The following ADGRE1 variants were observed in gnomAD, a reference collection of about 807,000 sequenced individuals.
The protein encoded by ADGRE1 is EGF-like module receptor 1.
Under a neutral mutation model 102.7 loss-of-function variants are expected in ADGRE1, and 82 were observed. The ratio of observed to expected loss-of-function variants is 0.80; its 90% CI spans 0.67 to 0.96. The LOEUF is 0.96. Among genes scored for constraint, ADGRE1 ranks in the 40% least tolerant of loss-of-function variants. ADGRE1 has a pLI of 0.00. For synonymous variants in ADGRE1, 398 were observed against 399.6 expected, an observed-to-expected ratio of 1.00 and a Z score of 0.05; for missense variants, 1,032 against 1,085.3, an observed-to-expected ratio of 0.95 and a Z score of 0.69.
At chr19:6,892,317 C>T (rs971718392) in intron 2 of ADGRE1, among the ~76,000 whole-genome samples, 13 of 152,002 alleles carry the variant, frequency 8.6e-5, no homozygotes, top group African/African-American at 2.9e-4. Flanking sequence ...CACGATAATC[C>T]ATTCCTTCTG....
intron 17 of ADGRE1, among the ~76,000 whole-genome samples, chr19:6,934,235 T>G (rs554670466): frequency 1.3e-5 from 2 of 152,118 alleles, no homozygotes; most frequent in Admixed American, 1.3e-4. Flanking sequence ...GTATCCTGTG[T>G]GATTGGTTAG....
chr19:6,937,223 G>T lies in ADGRE1; in HGVS notation c.2382-20G>T, dbSNP rs1975449489. ...ATAGCCACCTCCCAGAGCCTTACATGCTGTACATCTTCTCCCCAGGTTACT... is the reference window on the plus strand; with the variant it reads ...ATAGCCACCTCCCAGAGCCTTACATTCTGTACATCTTCTCCCCAGGTTACT... On this transcript the variant is annotated intron_variant, in intron 18 of 20. Transcript: ENST00000312053. 4 of 1,607,916 alleles carry T rather than the reference G, an allele frequency of 2.5e-6. No homozygotes were observed. The highest frequency in any genetic ancestry group is 3.4e-6 in the Non-Finnish European group (4 of 1,176,342).
chr19:6,907,776 G>A (rs1230538105), intron 9 of ADGRE1, among the ~76,000 whole-genome samples: 1 of 152,160 alleles, frequency 6.6e-6, no homozygotes, highest in Non-Finnish European at 1.5e-5. Flanking sequence ...ATCATGCAAT[G>A]TTTGCTCCTT....
chr19:6,890,682 TCTC>T, intron 2 of ADGRE1, 139 bp downstream of exon 2: 1 of 789,030 alleles, frequency 1.3e-6, no homozygotes, highest in Non-Finnish European at 2.0e-6. Context: ...AACATGCAAG[TCTC>T]CTGATTCTCA....
In ADGRE1 at chr19:6,916,335, G is replaced by T; in HGVS notation, c.1387G>T (p.Gly463Trp). The T allele has an allele frequency of 1.2e-6, 2 of 1,613,620 alleles. No individual in the cohort carries two copies. The highest frequency in any genetic ancestry group is 1.1e-5 in the South Asian group (1 of 91,024). ...LVAKGDKMKI[G>W]CSTIEESEST... ...AGCCAAGGGGGATAAGATGAAGATC[G>T]GGTGTTCCACAATTGAGGAATCTGA... is the stretch of plus-strand genomic sequence containing the variant. The change falls in exon 12 of 21, where the codon GGG becomes TGG. Residue 463 changes from glycine to tryptophan, a missense_variant. Gly to Trp is a radical substitution (Grantham distance 184). Coordinates refer to ENST00000312053, the MANE Select transcript of ADGRE1 (RefSeq NM_001974.5).
intron 15 of ADGRE1, among the ~76,000 whole-genome samples, chr19:6,925,756 C>A (rs1323062549): frequency 6.6e-6 from 1 of 151,884 alleles, no homozygotes; most frequent in East Asian, 1.9e-4. Flanking sequence ...GGCTAGAGTG[C>A]AGTGGCCGAA....
chr19:6,922,154 A>G (rs375335622), intron 14 of ADGRE1, among the ~76,000 whole-genome samples: 2 of 152,302 alleles, frequency 1.3e-5, no homozygotes, highest in African/African-American at 2.4e-5. Context: ...ATGAGCACAT[A>G]CAGTGTGCTG....
At chr19:6,918,835 G>C (rs548464176) in intron 12 of ADGRE1, among the ~76,000 whole-genome samples, 2 of 150,756 alleles carry the variant, frequency 1.3e-5, no homozygotes, top group East Asian at 4.0e-4. Flanking sequence ...AGCGATTGTC[G>C]TACCTCGGCC....
At chr19:6,889,266 TG>T (rs1973260966) in intron 1 of ADGRE1, among the ~76,000 whole-genome samples, 1 of 151,492 alleles carries the variant, frequency 6.6e-6, no homozygotes, top group Non-Finnish European at 1.5e-5. Flanking sequence ...ATAATGGTGA[TG>T]ATGGTGATAA....
chr19:6,894,483 T>C (rs187484082), intron 2 of ADGRE1, among the ~76,000 whole-genome samples: 9 of 151,774 alleles, frequency 5.9e-5, no homozygotes, highest in Admixed American at 3.9e-4. Flanking sequence ...GAAAAATGAG[T>C]GGAAGCTGGC....
At chr19:6,925,852 T>A (rs551248400) in intron 15 of ADGRE1, among the ~76,000 whole-genome samples, 25 of 151,980 alleles carry the variant, frequency 1.6e-4, no homozygotes, top group Admixed American at 5.9e-4. Flanking sequence ...TGTGCCACCA[T>A]GTCTGGCTAA....
intron 13 of ADGRE1, among the ~76,000 whole-genome samples, chr19:6,920,344 C>T (rs2354121): frequency 0.22 from 32,933 of 150,878 alleles, 3,646 homozygotes; most frequent in Middle Eastern, 0.24. Context: ...CTCAGCCTCC[C>T]GAGTAGCTGG....
intron 14 of ADGRE1, among the ~76,000 whole-genome samples, chr19:6,922,391 G>A (rs916240981): frequency 7.9e-5 from 12 of 151,814 alleles, no homozygotes; most frequent in African/African-American, 7.3e-5. Context: ...TGAGGCGGGC[G>A]GATCATGAGG....
intron 5 of ADGRE1, among the ~76,000 whole-genome samples, chr19:6,899,356 C>A (rs188290897): frequency 1.2e-4 from 19 of 152,092 alleles, no homozygotes; most frequent in Admixed American, 9.2e-4. Context: ...ATAATCTGAC[C>A]CTAAATGCCA....
At chr19:6,936,436 C>CA (rs543860591) in intron 18 of ADGRE1, among the ~76,000 whole-genome samples, 22,547 of 134,538 alleles carry the variant, frequency 0.17, 2,094 homozygotes, top group Non-Finnish European at 0.2. Context: ...ACTCCATCTC[C>CA]AAAAAAAAAA....
In ADGRE1 at chr19:6,897,656, G is replaced by A. The variant is rs528914584; in HGVS notation, c.514+109G>A. On this transcript the variant is annotated intron_variant, in intron 5 of 20. Coordinates refer to ENST00000312053, the MANE Select transcript of ADGRE1 (RefSeq NM_001974.5). ...TCTCATGTAGGGATAAGAAAATTGG[G>A]GCTCAGAGAGGTAAAAATATATAGT... is the stretch of plus-strand genomic sequence containing the variant. The A allele has an allele frequency of 5.0e-5, 59 of 1,184,270 alleles. No individual in the cohort carries two copies. The African/African-American group carries it at 7.8e-4, about 16-fold the overall frequency. 73.4% of individuals were successfully genotyped at this position (1,184,270 alleles called of 1,614,324 possible).
At chr19:6,888,648 A>G (rs1251524725) in intron 1 of ADGRE1, among the ~76,000 whole-genome samples, 1 of 152,242 alleles carries the variant, frequency 6.6e-6, no homozygotes, top group Non-Finnish European at 1.5e-5. Context: ...GTGAAGCCAG[A>G]TTTTTAAACC....
chr19:6,898,496 A>G (rs1016966932), intron 5 of ADGRE1: 46 of 1,571,140 alleles, frequency 2.9e-5, no homozygotes, highest in Middle Eastern at 1.7e-4. Flanking sequence ...ATGGGTCTTG[A>G]GTGGATATCT....
At chr19:6,908,634 G>A (rs1472511419) in intron 9 of ADGRE1, 55 bp from the exon 10 acceptor site, 13 of 1,461,456 alleles carry the variant, frequency 8.9e-6, no homozygotes, top group Non-Finnish European at 1.1e-5. Context: ...CATGCTTGGG[G>A]GAATACATCG....
Sources: gnomAD v4.1 joint callset for allele counts (sites outside exome capture counted in the v4.1 genomes callset) on GRCh38, gnomAD v4.1.1 for gene constraint, MANE v1.5 for transcripts, NCBI Gene and HGNC (gene_info 2026-07-23, HGNC 2026-07-21) for gene names.